Variants in MARK4 observed in about 807,000 individuals in gnomAD.
MARK4 encodes the protein MAP/microtubule affinity-regulating kinase 4.
A neutral mutation model predicts 81.5 loss-of-function variants in MARK4; 19 were observed. The ratio of observed to expected loss-of-function variants is 0.23; its 90% confidence interval spans 0.16 to 0.34. MARK4 has a LOEUF of 0.34. MARK4 is among the 10% of genes least tolerant of loss of function. The pLI is 1.00. For synonymous variants in MARK4, 436 were observed against 439.0 expected, an observed-to-expected ratio of 0.99 and a Z score of 0.08; for missense variants, 772 against 1,058.8, an observed-to-expected ratio of 0.73 and a Z score of 3.76.
At chr19:45,290,331 T>C (rs535253848) in intron 13 of MARK4, among the ~76,000 whole-genome samples, 29 of 152,382 alleles carry the variant, frequency 1.9e-4, no homozygotes, top group African/African-American at 7.0e-4. Flanking sequence ...TGGTGGCTGG[T>C]GGTGTCTGGC....
chr19:45,264,928 G>T lies in MARK4; in HGVS notation c.492+18G>T. The T allele has an allele frequency of 6.2e-7, 1 of 1,613,638 alleles. No individual in the cohort carries two copies. The highest frequency in any genetic ancestry group is 8.5e-7 in the Non-Finnish European group (1 of 1,179,658). The stretch of plus-strand genomic sequence containing the variant: ...TCCGACAGGTTGGGGCAGGGCTGAG[G>T]GTGGGGCTGACTGGGTGCCTGGGTC... On this transcript the variant is annotated intron_variant, in intron 6 of 16. Coordinates refer to ENST00000262891, the MANE Select transcript of MARK4 (RefSeq NM_001199867.2).
At chr19:45,265,082 G>A (rs1970433828) in intron 6 of MARK4, among the ~76,000 whole-genome samples, 172 bp downstream of exon 6, 1 of 152,204 alleles carries the variant, frequency 6.6e-6, no homozygotes, top group Non-Finnish European at 1.5e-5. Context: ...AGATGTGAGG[G>A]CATCCGGATG....
chr19:45,295,872 G>A (rs1165008153), intron 14 of MARK4, among the ~76,000 whole-genome samples: 1 of 152,188 alleles, frequency 6.6e-6, no homozygotes, highest in African/African-American at 2.4e-5. Context: ...TGGGTCTGAT[G>A]CTTAGGAGGC....
At chr19:45,272,268 A>C (rs1443639140) in intron 8 of MARK4, among the ~76,000 whole-genome samples, 2 of 152,156 alleles carry the variant, frequency 1.3e-5, no homozygotes, top group African/African-American at 2.4e-5. Context: ...GGAGATCAAG[A>C]CTGCAGTGAG....
rs1171782106 is a variant in MARK4, at chr19:45,251,355, T to TGCCC, written c.-230_-227dup. On this transcript the variant is annotated 5_prime_UTR_variant, in exon 1 of 17. Coordinates refer to ENST00000262891, the MANE Select transcript of MARK4 (RefSeq NM_001199867.2). ...CCTCCGCGGCCCCCGCCCGCCCGCC[T>TGCCC]GCCCGCCGCCCCCATGGCGCCCGGG... 2 of 56,580 alleles carry TGCCC rather than the reference T, an allele frequency of 3.5e-5. No homozygotes were observed. Among genetic ancestry groups the TGCCC allele is most frequent in the Non-Finnish European group, 7.6e-5 (2 of 26,166 alleles). 3.5% of individuals were successfully genotyped at this position (56,580 alleles called of 1,614,324 possible).
chr19:45,275,441 C>T (rs918784922), intron 8 of MARK4, among the ~76,000 whole-genome samples: 4 of 151,950 alleles, frequency 2.6e-5, no homozygotes, highest in South Asian at 2.1e-4. Context: ...ACTATGATCA[C>T]GCCACTGCAC....
At chr19:45,266,730 C>CTTTT (rs35618045) in intron 7 of MARK4, among the ~76,000 whole-genome samples, 2 of 124,260 alleles carry the variant, frequency 1.6e-5, no homozygotes, top group African/African-American at 3.1e-5. Context: ...AATCTGAGAA[C>CTTTT]TTTTTTTTTT....
At chr19:45,263,999 G>A (rs1427368823) in intron 4 of MARK4, among the ~76,000 whole-genome samples, 1 of 152,132 alleles carries the variant, frequency 6.6e-6, no homozygotes, top group African/African-American at 2.4e-5. Context: ...ATTATCATTG[G>A]GCAGAGGCGG....
chr19:45,294,741 C>T (rs967702288), intron 14 of MARK4, among the ~76,000 whole-genome samples: 1 of 152,168 alleles, frequency 6.6e-6, no homozygotes, highest in Non-Finnish European at 1.5e-5. Context: ...TCGAGAGAAG[C>T]CCCAGAATGT....
At chr19:45,287,304 G>C (rs545762961) in intron 12 of MARK4, 143 bp from the exon 13 acceptor site, 31 of 504,252 alleles carry the variant, frequency 6.1e-5, no homozygotes, top group African/African-American at 6.0e-4. Context: ...TGGTAATCTT[G>C]AGGTAATTTT....
At chr19:45,272,519 G>T (rs1051202918) in intron 8 of MARK4, among the ~76,000 whole-genome samples, 3 of 147,166 alleles carry the variant, frequency 2.0e-5, no homozygotes, top group African/African-American at 8.1e-5. Flanking sequence ...GCCTGAGGCT[G>T]GGGGGGAGGA....
In MARK4 at chr19:45,298,016, C is replaced by T. The variant is rs1428807257; in HGVS notation, c.1877+62C>T. 7 of 1,549,258 alleles carry T rather than the reference C, an allele frequency of 4.5e-6. No homozygotes were observed. The East Asian group carries it at 1.5e-4, about 32-fold the overall frequency. On this transcript the variant is annotated intron_variant, in intron 15 of 16. Transcript: ENST00000262891. ...GGGGGGCCGATGGGACCTAACCTGT[C>T]TTCCACTCTGCTCTGTCTCCTGTAC...
At chr19:45,280,546 G>A (rs1970658980) in intron 11 of MARK4, 29 bp from the exon 12 acceptor site, 1 of 1,613,916 alleles carries the variant, frequency 6.2e-7, no homozygotes, top group Admixed American at 1.7e-5. Context: ...TTGGGGTGCA[G>A]AAGAGCCTCA....
intron 13 of MARK4, among the ~76,000 whole-genome samples, chr19:45,293,814 A>G (rs1970849672): frequency 6.6e-6 from 1 of 152,168 alleles, no homozygotes; most frequent in Admixed American, 6.6e-5. Flanking sequence ...TGGGGAGCCC[A>G]GGGGCCTGTG....
Position 45,294,453 on chromosome 19 carries a change from G to A in MARK4, c.1598+1G>A, listed in dbSNP as rs1970860013. The A allele has an allele frequency of 1.2e-6, 2 of 1,613,500 alleles. No individual in the cohort carries two copies. The highest frequency in any genetic ancestry group is 1.7e-5 in the Admixed American group (1 of 59,976). On this transcript the variant is annotated splice_donor_variant, in intron 14 of 16. Coordinates refer to ENST00000262891, the MANE Select transcript of MARK4 (RefSeq NM_001199867.2). LOFTEE classifies it high-confidence loss of function. ...TGTTGCCAAATGGGAAAGAAAACAG[G>A]TACGGAGGGGGCAGCAACAGGGTGA...
At position 45,287,577 on chromosome 19, in the gene MARK4, G is replaced by A; in HGVS notation, c.1407G>A (p.Leu469=). ...CCGCGGGGAGTGGGAGTCGAGGGCT[G>A]CCCCCCTCCAGCCCCATGGTCAGCA... The part of the protein sequence containing the change: ...CSTAGSGSRG[L]PPSSPMVSSA... Residue 469 remains leucine (L), a synonymous_variant, in exon 13 of 17, where the codon CTG becomes CTA. Transcript: ENST00000262891. The A allele has an allele frequency of 4.4e-6, 7 of 1,595,698 alleles. No homozygotes were observed. Among genetic ancestry groups the A allele is most frequent in the Non-Finnish European group, 4.3e-6 (5 of 1,169,052 alleles).
chr19:45,282,637 C>A (rs890087562), intron 12 of MARK4, among the ~76,000 whole-genome samples: 3 of 151,960 alleles, frequency 2.0e-5, no homozygotes, highest in African/African-American at 7.3e-5. Flanking sequence ...ACCAGCCTGG[C>A]CAAGATGGTG....
intron 8 of MARK4, among the ~76,000 whole-genome samples, chr19:45,276,979 T>C (rs1393004989): frequency 6.6e-6 from 1 of 151,892 alleles, no homozygotes; most frequent in Non-Finnish European, 1.5e-5. Flanking sequence ...GTAGCAAGCA[T>C]GTGAAGTGGG....
In MARK4 at chr19:45,287,475, C is replaced by T; in HGVS notation, c.1305C>T (p.Pro435=). Residue 435 remains proline, a synonymous_variant, in exon 13 of 17, where the codon CCC becomes CCT. Transcript: ENST00000262891. ...FCGPSPAPLH[P]KRSPTSTGEA... is the part of the protein sequence containing the mutation. ...GCCCATCCCCTGCACCCCTGCACCC[C>T]AAACGCAGCCCGACGAGCACGGGGG... is the stretch of plus-strand genomic sequence containing the variant. 6.7e-7 allele frequency: 1 copy of T among 1,485,310 alleles called. No individual in the cohort carries two copies. Among genetic ancestry groups the T allele is most frequent in the African/African-American group, 1.4e-5 (1 of 71,738 alleles). 92.0% of individuals were successfully genotyped at this position (1,485,310 alleles called of 1,614,324 possible).
Sources: allele counts gnomAD v4.1 joint callset (sites outside exome capture counted in the v4.1 genomes callset), GRCh38; gene constraint gnomAD v4.1.1; transcripts MANE v1.5; gene names NCBI Gene and HGNC (gene_info 2026-07-23, HGNC 2026-07-21).